The following CARTPT variants were observed in gnomAD, a reference collection of about 807,000 sequenced individuals.
CARTPT encodes the protein CART prepropeptide, also known as cocaine- and amphetamine-regulated transcript protein.
A neutral mutation model predicts 12.2 loss-of-function variants in CARTPT; 6 were observed. That is an observed-to-expected ratio of 0.49 (90% CI 0.27 to 0.97). The LOEUF is 0.97. Ranked by LOEUF, CARTPT falls within the 50% of genes least tolerant of loss-of-function variation. The pLI is 0.12. For missense variants in CARTPT, 135 were observed against 142.0 expected (o/e 0.95, Z 0.25); for synonymous variants, 75 against 64.1 (o/e 1.17, Z -0.82).
chr5:71,719,559 C>A, intron 1 of CARTPT, 107 bp downstream of exon 1: 1 of 1,406,994 alleles, frequency 7.1e-7, no homozygotes, highest in Non-Finnish European at 9.9e-7. Context: ...AGTCAGGGCG[C>A]GGGGAGCTGA....
At position 71,719,341 on chromosome 5, in the gene CARTPT, G is replaced by C; in HGVS notation, c.48G>C (p.Leu16=). The C allele has an allele frequency of 6.2e-7, 1 of 1,613,830 alleles. No homozygotes were observed. Among genetic ancestry groups the C allele is most frequent in the Non-Finnish European group, 8.5e-7 (1 of 1,180,020 alleles). Residue 16 remains leucine, a synonymous_variant, in exon 1 of 3, where the codon CTG becomes CTC. Transcript: ENST00000296777. ...VRLLPLLGAA[L]LLMLPLLGTR... is the part of the protein sequence containing the mutation. ...TGCTGCCCCTCCTGGGCGCCGCCCT[G>C]CTGCTGATGCTACCTCTGTTGGGTA...
At chr5:71,720,017 C>G in intron 2 of CARTPT, 54 bp downstream of exon 2, 1 of 1,454,962 alleles carries the variant, frequency 6.9e-7, no homozygotes, top group Non-Finnish European at 9.7e-7. Flanking sequence ...AGTACACCGC[C>G]TTGAATCGTA....
Position 71,720,622 on chromosome 5 carries a change from G to C in CARTPT, c.*7G>C. On this transcript the variant is annotated 3_prime_UTR_variant, in exon 3 of 3. Coordinates refer to ENST00000296777, the MANE Select transcript of CARTPT (RefSeq NM_004291.4). ...CCTCCTGAAGTGCTTATGAAGGGGC[G>C]TCCATTCTCCTCCATACATCCCCAT... The C allele has an allele frequency of 6.3e-7, 1 of 1,589,876 alleles. No homozygotes were observed.
rs1748656773 is a variant in CARTPT at position 71,719,371 on chromosome 5, T to G, written c.78T>G (p.Arg26=). 1.2e-6 allele frequency: 2 copies of G among 1,613,924 alleles called. No individual in the cohort carries two copies. The highest frequency in any genetic ancestry group is 2.7e-5 in the African/African-American group (2 of 74,926). Residue 26 remains arginine (R), a synonymous_variant, in exon 1 of 3, where the codon CGT becomes CGG. Transcript: ENST00000296777. ...LLLMLPLLGT[R]AQEDAELQPR... Reference sequence around the variant, plus strand: ...TGATGCTACCTCTGTTGGGTACCCGTGCCCAGGAGGACGCCGAGCTCCAGC... The same window carrying G: ...TGATGCTACCTCTGTTGGGTACCCGGGCCCAGGAGGACGCCGAGCTCCAGC...
At chr5:71,719,845 G>A (rs1317009853) in intron 1 of CARTPT, 35 bp from the exon 2 acceptor site, 3 of 1,607,794 alleles carry the variant, frequency 1.9e-6, no homozygotes, top group African/African-American at 1.3e-5. Flanking sequence ...CGCAGCCAAG[G>A]CGGCAACTTC....
Position 71,719,394 on chromosome 5 carries a change from A to G in CARTPT, c.101A>G (p.Gln34Arg), listed in dbSNP as rs968537044. The G allele has an allele frequency of 3.7e-6, 6 of 1,614,132 alleles. No individual in the cohort carries two copies. The Admixed American group carries it at 1.0e-4, about 27-fold the overall frequency. ...CGTGCCCAGGAGGACGCCGAGCTCCAGCCCCGAGCCCTGGACATCTACTCT... is the reference window on the plus strand; with the variant it reads ...CGTGCCCAGGAGGACGCCGAGCTCCGGCCCCGAGCCCTGGACATCTACTCT... ...GTRAQEDAELQPRALDIYSAV... is the reference protein window; with the variant it reads ...GTRAQEDAELRPRALDIYSAV... The change falls in exon 1 of 3, where the codon CAG becomes CGG. Residue 34 changes from glutamine (Q) to arginine (R), a missense_variant. By Grantham distance (43) the Gln-to-Arg change is conservative. Transcript: ENST00000296777.
chr5:71,720,521 A>G lies in CARTPT; in HGVS notation c.257A>G (p.Glu86Gly), dbSNP rs759233632. The part of the protein sequence containing the change: ...YGQVPMCDAG[E>G]QCAVRKGARI... Reference sequence around the variant, plus strand: ...TTGTTGTTTCAGTGTGACGCCGGTGAGCAGTGTGCAGTGAGGAAAGGGGCA... The same window carrying G: ...TTGTTGTTTCAGTGTGACGCCGGTGGGCAGTGTGCAGTGAGGAAAGGGGCA... The change falls in exon 3 of 3, where the codon GAG becomes GGG. Residue 86 changes from glutamate to glycine, a missense_variant. Coordinates refer to ENST00000296777, the MANE Select transcript of CARTPT (RefSeq NM_004291.4). 13 of 1,612,544 alleles carry G rather than the reference A, an allele frequency of 8.1e-6. No homozygotes were observed. Among genetic ancestry groups the G allele is most frequent in the Non-Finnish European group, 1.1e-5 (13 of 1,179,548 alleles).
chr5:71,719,568 G>A, intron 1 of CARTPT, 116 bp downstream of exon 1: 10 of 1,292,182 alleles, frequency 7.7e-6, no homozygotes, highest in Non-Finnish European at 1.1e-5. Context: ...GCGGGGAGCT[G>A]AGCGCAACGC....
At position 71,720,498 on chromosome 5, in the gene CARTPT, G is replaced by A. The variant is rs1748685500; in HGVS notation, c.244-10G>A. On this transcript the variant is annotated splice_polypyrimidine_tract_variant and intron_variant, in intron 2 of 2. Coordinates refer to ENST00000296777, the MANE Select transcript of CARTPT (RefSeq NM_004291.4). ...TTCATACTCGATGACCACACATTTT[G>A]TTGTTTCAGTGTGACGCCGGTGAGC... 1.9e-6 allele frequency: 3 copies of A among 1,607,792 alleles called. No homozygotes were observed. The highest frequency in any genetic ancestry group is 2.5e-6 in the Non-Finnish European group (3 of 1,177,204).
rs1561185773 is a variant in CARTPT, at chr5:71,719,329, G to A, written c.36G>A (p.Leu12=). The change falls in exon 1 of 3, where the codon CTG becomes CTA. Residue 12 remains leucine (L), a synonymous_variant. Transcript: ENST00000296777. The part of the protein sequence containing the change: ...ESSRVRLLPL[L]GAALLLMLPL... ...CCCGCGTGAGGCTGCTGCCCCTCCTGGGCGCCGCCCTGCTGCTGATGCTAC... is the reference window on the plus strand; with the variant it reads ...CCCGCGTGAGGCTGCTGCCCCTCCTAGGCGCCGCCCTGCTGCTGATGCTAC... 6.2e-7 allele frequency: 1 copy of A among 1,613,550 alleles called. No individual in the cohort carries two copies. Among genetic ancestry groups the A allele is most frequent in the South Asian group, 1.1e-5 (1 of 91,066 alleles).
chr5:71,719,322 C>T lies in CARTPT; in HGVS notation c.29C>T (p.Pro10Leu), dbSNP rs1182349074. Residue 10 changes from proline (P) to leucine (L), a missense_variant, in exon 1 of 3, where the codon CCC becomes CTC. Transcript: ENST00000296777. ...GAGAGCTCCCGCGTGAGGCTGCTGCCCCTCCTGGGCGCCGCCCTGCTGCTG... is the reference window on the plus strand; with the variant it reads ...GAGAGCTCCCGCGTGAGGCTGCTGCTCCTCCTGGGCGCCGCCCTGCTGCTG... MESSRVRLL[P>L]LLGAALLLML... The T allele has an allele frequency of 2.5e-6, 4 of 1,613,312 alleles. No homozygotes were observed. The highest frequency in any genetic ancestry group is 1.3e-5 in the African/African-American group (1 of 74,930).
Position 71,719,278 on chromosome 5 carries a change from G to C in CARTPT, c.-16G>C, listed in dbSNP as rs776647375. On this transcript the variant is annotated 5_prime_UTR_variant, in exon 1 of 3. Coordinates refer to ENST00000296777, the MANE Select transcript of CARTPT (RefSeq NM_004291.4). ...TGGGAGCGCGTGGTGCCCCAGCAAC[G>C]ACGAGTTTCAGAACGATGGAGAGCT... 33 of 1,609,582 alleles carry C rather than the reference G, an allele frequency of 2.1e-5. No individual in the cohort carries two copies. Among genetic ancestry groups the C allele is most frequent in the Non-Finnish European group, 2.8e-5 (33 of 1,179,992 alleles).
In CARTPT at chr5:71,719,320, G is replaced by A. The variant is rs763758600; in HGVS notation, c.27G>A (p.Leu9=). The change falls in exon 1 of 3, where the codon CTG becomes CTA. Residue 9 remains leucine, a synonymous_variant. Transcript: ENST00000296777. The part of the protein sequence containing the change: MESSRVRL[L]PLLGAALLLM... ...TGGAGAGCTCCCGCGTGAGGCTGCT[G>A]CCCCTCCTGGGCGCCGCCCTGCTGC... The A allele has an allele frequency of 6.2e-7, 1 of 1,613,304 alleles. No homozygotes were observed. The highest frequency in any genetic ancestry group is 8.5e-7 in the Non-Finnish European group (1 of 1,180,026).
chr5:71,719,873 G>A lies in CARTPT; in HGVS notation c.160-7G>A. 1 of 1,614,036 alleles carries A rather than the reference G, an allele frequency of 6.2e-7. No individual in the cohort carries two copies. The highest frequency in any genetic ancestry group is 1.7e-4 in the Middle Eastern group (1 of 6,060). On this transcript the variant is annotated splice_polypyrimidine_tract_variant and splice_region_variant and intron_variant, in intron 1 of 2. Coordinates refer to ENST00000296777, the MANE Select transcript of CARTPT (RefSeq NM_004291.4). ...GCAACTTCAGGCTCCGAAGCGGTGT[G>A]TTGCAGATCGAAGCGCTGCAAGAAG...
At position 71,720,826 on chromosome 5, in the gene CARTPT, G is replaced by A; in HGVS notation, c.*211G>A. The A allele has an allele frequency of 1.8e-6, 1 of 560,958 alleles. No individual in the cohort carries two copies. Among genetic ancestry groups the A allele is most frequent in the Non-Finnish European group, 3.2e-6 (1 of 312,902 alleles). 34.7% of individuals were successfully genotyped at this position (560,958 alleles called of 1,614,324 possible). On this transcript the variant is annotated 3_prime_UTR_variant, in exon 3 of 3. Transcript: ENST00000296777. Reference sequence around the variant, plus strand: ...CCTTGTATGGTGTTGATACGTGTGTGAAGTATTCTTATTTTATTTGTCTGA... The same window carrying A: ...CCTTGTATGGTGTTGATACGTGTGTAAAGTATTCTTATTTTATTTGTCTGA...
In CARTPT at chr5:71,720,523, C is replaced by G. The variant is rs554758190; in HGVS notation, c.259C>G (p.Gln87Glu). Residue 87 changes from glutamine to glutamate, a missense_variant, in exon 3 of 3, where the codon CAG (glutamine) becomes GAG (glutamate). Physicochemically the swap from Gln to Glu is conservative, Grantham distance 29. Transcript: ENST00000296777. ...GTTGTTTCAGTGTGACGCCGGTGAG[C>G]AGTGTGCAGTGAGGAAAGGGGCAAG... ...GQVPMCDAGE[Q>E]CAVRKGARIG... 2 of 1,612,574 alleles carry G rather than the reference C, an allele frequency of 1.2e-6. No homozygotes were observed. Among genetic ancestry groups the G allele is most frequent in the African/African-American group, 1.3e-5 (1 of 75,016 alleles).
rs1377131136 is a variant in CARTPT at position 71,719,339 on chromosome 5, C to A, written c.46C>A (p.Leu16Met). 6.2e-7 allele frequency: 1 copy of A among 1,613,760 alleles called. No homozygotes were observed. The highest frequency in any genetic ancestry group is 1.3e-5 in the African/African-American group (1 of 74,932). ...VRLLPLLGAA[L>M]LLMLPLLGTR... Reference sequence around the variant, plus strand: ...GCTGCTGCCCCTCCTGGGCGCCGCCCTGCTGCTGATGCTACCTCTGTTGGG... The same window carrying A: ...GCTGCTGCCCCTCCTGGGCGCCGCCATGCTGCTGATGCTACCTCTGTTGGG... The change falls in exon 1 of 3, where the codon CTG becomes ATG. Residue 16 changes from leucine to methionine, a missense_variant. By Grantham distance (15) the Leu-to-Met change is conservative. Coordinates refer to ENST00000296777, the MANE Select transcript of CARTPT (RefSeq NM_004291.4).
intron 1 of CARTPT, 162 bp from the exon 2 acceptor site, chr5:71,719,718 G>C: frequency 1.3e-6 from 1 of 792,278 alleles, no homozygotes; most frequent in Non-Finnish European, 2.1e-6. Context: ...CTGGGACAGC[G>C]TCCGCTAAGT....
intron 2 of CARTPT, 81 bp downstream of exon 2, chr5:71,720,044 T>A: frequency 1.6e-6 from 2 of 1,242,152 alleles, no homozygotes; most frequent in South Asian, 1.2e-5. Context: ...GTCTTCTCCG[T>A]AGGATGTGGC....
Sources: gnomAD v4.1 joint callset for allele counts on GRCh38, gnomAD v4.1.1 for gene constraint, MANE v1.5 for transcripts, NCBI Gene and HGNC (gene_info 2026-07-23, HGNC 2026-07-21) for gene names.